Variants in ROBO2 observed in about 807,000 individuals in gnomAD.
The protein encoded by ROBO2 is roundabout guidance receptor 2.
In ROBO2, 53 loss-of-function variants were observed where a neutral mutation model predicts 160.8. That is an observed-to-expected ratio of 0.33 (90% CI 0.26 to 0.41). The LOEUF (loss-of-function observed/expected upper bound fraction) is 0.41. Among genes scored for constraint, ROBO2 ranks in the 10% least tolerant of loss-of-function variants. The pLI is 1.00. For synonymous variants in ROBO2, 664 were observed against 611.7 expected, an observed-to-expected ratio of 1.09 and a Z score of -1.26; for missense variants, 1,577 against 1,722.4, an observed-to-expected ratio of 0.92 and a Z score of 1.49.
chr3:77,067,944 G>C (rs1425308502), intron 1 of ROBO2, among the ~76,000 whole-genome samples: 12 of 151,908 alleles, frequency 7.9e-5, no homozygotes, highest in Admixed American at 7.9e-4. Flanking sequence ...GTTTTTTCTA[G>C]AGTATACCTG....
intron 2 of ROBO2, among the ~76,000 whole-genome samples, chr3:76,857,481 G>A (rs2070254120): frequency 6.6e-6 from 1 of 152,156 alleles, no homozygotes; most frequent in South Asian, 2.1e-4. Flanking sequence ...TGAACTCAAT[G>A]CATTTATTTT....
chr3:76,173,342 T>G (rs13318356), intron 2 of ROBO2, among the ~76,000 whole-genome samples: 1 of 152,022 alleles, frequency 6.6e-6, no homozygotes, highest in African/African-American at 2.4e-5. Flanking sequence ...TTATTTATTT[T>G]TATTTTTTAT....
At chr3:77,337,929 C>T (rs1371328103) in intron 2 of ROBO2, among the ~76,000 whole-genome samples, 1 of 152,148 alleles carries the variant, frequency 6.6e-6, no homozygotes, top group Non-Finnish European at 1.5e-5. Context: ...ACCAGCATAA[C>T]CAAGTTTGTT....
intron 2 of ROBO2, among the ~76,000 whole-genome samples, chr3:77,013,359 G>T (rs977976123): frequency 2.0e-5 from 3 of 151,994 alleles, no homozygotes; most frequent in Non-Finnish European, 4.4e-5. Flanking sequence ...TAATGGAAAA[G>T]GCATGATTTT....
chr3:76,527,734 A>G (rs953672859), intron 2 of ROBO2, among the ~76,000 whole-genome samples: 4 of 152,192 alleles, frequency 2.6e-5, no homozygotes, highest in African/African-American at 9.7e-5. Context: ...ATAGCACATT[A>G]TATAATGATA....
intron 2 of ROBO2, among the ~76,000 whole-genome samples, chr3:75,967,674 A>G (rs573876422): frequency 6.6e-6 from 1 of 151,678 alleles, no homozygotes; most frequent in Non-Finnish European, 1.5e-5. Context: ...TGCATTTTTC[A>G]TTATAATTTC....
Position 77,382,204 on chromosome 3 carries a change from G to A in ROBO2, c.389-95210G>A, listed in dbSNP as rs575225793. On this transcript the variant is annotated intron_variant, in intron 2 of 25. Transcript: ENST00000461745. ...ATGTTCTGCACCGTAAGAGTGAACC[G>A]GAAATGGATAGAAAAATAAATTAAC... Among the ~76,000 whole-genome samples the A allele has an allele frequency of 1.5e-4, 23 of 152,092 alleles. No homozygotes were observed. In the South Asian group the frequency reaches 4.6e-3, roughly 30 times the overall value.
chr3:76,460,772 G>A (rs1007894540), intron 2 of ROBO2, among the ~76,000 whole-genome samples: 4 of 152,098 alleles, frequency 2.6e-5, no homozygotes, highest in Admixed American at 1.3e-4. Context: ...TCTGACCTGC[G>A]CAATATGTGA....
At chr3:75,973,591 A>T (rs933620472) in intron 2 of ROBO2, among the ~76,000 whole-genome samples, 1 of 151,678 alleles carries the variant, frequency 6.6e-6, no homozygotes, top group African/African-American at 2.4e-5. Flanking sequence ...TTACCTGAAT[A>T]TGAACATAAA....
intron 2 of ROBO2, among the ~76,000 whole-genome samples, chr3:76,859,287 T>C (rs1222587464): frequency 6.6e-6 from 1 of 152,220 alleles, no homozygotes; most frequent in Non-Finnish European, 1.5e-5. Flanking sequence ...TTCAAATTTT[T>C]CATATATTTG....
intron 2 of ROBO2, among the ~76,000 whole-genome samples, chr3:77,304,014 C>T (rs1451635779): frequency 1.3e-5 from 2 of 152,078 alleles, no homozygotes; most frequent in African/African-American, 4.8e-5. Context: ...CTTTCTTTCT[C>T]AACATCAACT....
intron 2 of ROBO2, among the ~76,000 whole-genome samples, chr3:76,257,118 A>C: frequency 6.6e-6 from 1 of 152,126 alleles, no homozygotes; most frequent in East Asian, 1.9e-4. Context: ...ATTAGGGATT[A>C]CAACTCATAA....
chr3:76,507,243 A>G (rs1457773514), intron 2 of ROBO2, among the ~76,000 whole-genome samples: 1 of 152,086 alleles, frequency 6.6e-6, no homozygotes, highest in African/African-American at 2.4e-5. Flanking sequence ...ATGCATGAAG[A>G]TAATAAGTTT....
chr3:76,667,919 GA>G (rs895515012), intron 2 of ROBO2, among the ~76,000 whole-genome samples: 3 of 149,868 alleles, frequency 2.0e-5, no homozygotes, highest in Non-Finnish European at 3.0e-5. Context: ...CAGTAAGTTT[GA>G]AAAAAAAACT....
chr3:77,396,577 G>A (rs1034933148), intron 2 of ROBO2, among the ~76,000 whole-genome samples: 5 of 152,038 alleles, frequency 3.3e-5, no homozygotes, highest in African/African-American at 1.2e-4. Context: ...ATTTTTTGAA[G>A]GTGTTGGTAT....
At chr3:76,205,017 G>A (rs2107279807) in intron 2 of ROBO2, among the ~76,000 whole-genome samples, 1 of 152,256 alleles carries the variant, frequency 6.6e-6, no homozygotes, top group South Asian at 2.1e-4. Flanking sequence ...AAATATCACT[G>A]AGACGAAGTT....
intron 18 of ROBO2, among the ~76,000 whole-genome samples, chr3:77,596,050 T>A (rs2094295362): frequency 6.6e-6 from 1 of 152,150 alleles, no homozygotes; most frequent in East Asian, 1.9e-4. Flanking sequence ...GTGTATCTTT[T>A]ATTACCTTTA....
At chr3:76,341,774 T>C (rs991484183) in intron 2 of ROBO2, among the ~76,000 whole-genome samples, 8 of 152,164 alleles carry the variant, frequency 5.3e-5, no homozygotes, top group African/African-American at 1.7e-4. Context: ...AAAAAATAAC[T>C]ATTAGCTGCC....
intron 2 of ROBO2, among the ~76,000 whole-genome samples, chr3:76,606,199 CTG>C (rs988780141): frequency 4.6e-5 from 7 of 152,276 alleles, no homozygotes; most frequent in African/African-American, 1.7e-4. Context: ...CTTCTTTGCA[CTG>C]TGTTACCTAA....
Sources: gnomAD v4.1 joint callset for allele counts (sites outside exome capture counted in the v4.1 genomes callset) on GRCh38, gnomAD v4.1.1 for gene constraint, MANE v1.5 for transcripts, NCBI Gene and HGNC (gene_info 2026-07-23, HGNC 2026-07-21) for gene names.